The following RNF24 variants were observed in gnomAD, a reference collection of about 807,000 sequenced individuals.
RNF24 encodes ring finger protein 24.
In RNF24, 14 loss-of-function variants were observed where a neutral mutation model predicts 20.0. The ratio of observed to expected loss-of-function variants is 0.70; its 90% CI spans 0.46 to 1.10. RNF24 has a LOEUF of 1.10. Ranked by LOEUF, RNF24 falls within the 50% of genes least tolerant of loss-of-function variation. The probability of loss-of-function intolerance (pLI) is 0.00; values close to 1 mark genes in which losing one functional copy is unlikely to be tolerated. For missense variants in RNF24, 124 were observed against 177.6 expected (o/e 0.70, Z 1.71); for synonymous variants, 45 against 61.1 (o/e 0.74, Z 1.23).
intron 1 of RNF24, among the ~76,000 whole-genome samples, chr20:3,999,396 T>C (rs1257959594): frequency 6.6e-6 from 1 of 152,182 alleles, no homozygotes; most frequent in Non-Finnish European, 1.5e-5. Flanking sequence ...CAGTAACCGT[T>C]TATAGGGCTT....
At chr20:3,973,353 A>G (rs1227611677) in intron 1 of RNF24, among the ~76,000 whole-genome samples, 1 of 152,124 alleles carries the variant, frequency 6.6e-6, no homozygotes, top group Non-Finnish European at 1.5e-5. Context: ...TACATCAAGA[A>G]CCCAGAAAAA....
At chr20:3,943,850 A>C (rs565041353) in intron 4 of RNF24, among the ~76,000 whole-genome samples, 1 of 152,348 alleles carries the variant, frequency 6.6e-6, no homozygotes, top group Admixed American at 6.5e-5. Flanking sequence ...AATGGGAAAC[A>C]GACCACTTTT....
At chr20:3,996,240 T>C (rs1266253471) in intron 1 of RNF24, among the ~76,000 whole-genome samples, 5 of 152,214 alleles carry the variant, frequency 3.3e-5, no homozygotes, top group Non-Finnish European at 7.3e-5. Context: ...GGTTGGCTCA[T>C]AAACCATAAT....
intron 1 of RNF24, among the ~76,000 whole-genome samples, chr20:4,008,452 A>ATAATATAATATATATATT (rs35909534): frequency 2.2e-5 from 1 of 45,758 alleles, no homozygotes; most frequent in Non-Finnish European, 4.3e-5. Flanking sequence ...TAATATATAT[A>ATAATATAATATATATATT]ATATATAATA....
intron 1 of RNF24, among the ~76,000 whole-genome samples, chr20:3,987,802 A>T (rs780943386): frequency 6.6e-6 from 1 of 152,174 alleles, no homozygotes; most frequent in Non-Finnish European, 1.5e-5. Flanking sequence ...TGGGAACATA[A>T]TTTAAAGAGT....
At chr20:3,949,483 C>T (rs1030086149) in intron 2 of RNF24, among the ~76,000 whole-genome samples, 15 of 151,938 alleles carry the variant, frequency 9.9e-5, no homozygotes, top group South Asian at 4.2e-4. Flanking sequence ...CCCAGGAGTT[C>T]GAGACCAGCC....
intron 1 of RNF24, among the ~76,000 whole-genome samples, chr20:3,999,980 G>C (rs1480006496): frequency 6.6e-6 from 1 of 152,182 alleles, no homozygotes; most frequent in Non-Finnish European, 1.5e-5. Flanking sequence ...AAAGTAGATT[G>C]GTAGTTGCTT....
At position 3,932,632 on chromosome 20, in the gene RNF24, A is replaced by T; in HGVS notation, c.*1431T>A. 6.6e-6 allele frequency: 2 copies of T among 301,936 alleles called. No individual in the cohort carries two copies. Among genetic ancestry groups the T allele is most frequent in the Admixed American group, 1.0e-4 (2 of 19,804 alleles). 18.7% of individuals were successfully genotyped at this position (301,936 alleles called of 1,614,324 possible). A position where few individuals can be genotyped will look rare whatever the true frequency, so the allele number is the denominator to read the frequency against. ...GCTCCCTCCATCCATTCTCCATGTCACGCAGACTGTATTCCTAATGAAAAA... is the reference window on the plus strand; with the variant it reads ...GCTCCCTCCATCCATTCTCCATGTCTCGCAGACTGTATTCCTAATGAAAAA... On this transcript the variant is annotated 3_prime_UTR_variant, in exon 6 of 6. Transcript: ENST00000358395.
In RNF24 at chr20:3,955,643, T is replaced by C. The variant is rs114922073; in HGVS notation, c.144-7364A>G. Among the ~76,000 whole-genome samples, 676 of 152,314 alleles carry C rather than the reference T, an allele frequency of 4.4e-3. 2 individuals carry two copies. The highest frequency in any genetic ancestry group is 0.016 in the African/African-American group (654 of 41,570). ...AGTTCCAAATGAATTTGAGGATTGC[T>C]TTTTCTATTTCTGTAAAAAAAGGCC... On this transcript the variant is annotated intron_variant, in intron 2 of 5. Coordinates refer to ENST00000358395, the MANE Select transcript of RNF24 (RefSeq NM_001134337.3).
intron 1 of RNF24, 63 bp from the exon 2 acceptor site, chr20:3,964,087 C>T: frequency 2.7e-6 from 4 of 1,468,062 alleles, no homozygotes; most frequent in Non-Finnish European, 3.8e-6. Context: ...ACAGCATTAT[C>T]ATTGTGCACG....
At chr20:4,009,474 G>C (rs972394682) in intron 1 of RNF24, among the ~76,000 whole-genome samples, 4 of 152,168 alleles carry the variant, frequency 2.6e-5, no homozygotes, top group Non-Finnish European at 5.9e-5. Context: ...ACAGTAGAAA[G>C]GGGAGCTTGC....
intron 1 of RNF24, among the ~76,000 whole-genome samples, chr20:3,972,173 G>C (rs1372532773): frequency 6.6e-6 from 1 of 152,090 alleles, no homozygotes; most frequent in East Asian, 1.9e-4. Context: ...GAACTGAAAG[G>C]AGATATAAAG....
intron 3 of RNF24, among the ~76,000 whole-genome samples, chr20:3,946,989 A>T (rs1488301490): frequency 6.6e-6 from 1 of 152,182 alleles, no homozygotes; most frequent in Admixed American, 6.5e-5. Flanking sequence ...TCAAGAGATC[A>T]AGACCATCCT....
In RNF24 at chr20:3,934,244, C is replaced by A; in HGVS notation, c.309-43G>T. ...ACAGGGGGAAGATGTCAGTCCTATG[C>A]TCATGGCACGGCTGTTCTGCTGAAC... On this transcript the variant is annotated intron_variant, in intron 5 of 5. Transcript: ENST00000358395. The surrounding 1 kb of genome is among the most constrained non-coding windows in gnomAD (Gnocchi z 4.0). 1 of 1,582,820 alleles carries A rather than the reference C, an allele frequency of 6.3e-7. No homozygotes were observed. Among genetic ancestry groups the A allele is most frequent in the South Asian group, 1.1e-5 (1 of 87,724 alleles).
chr20:3,997,964 G>C (rs1981026193), intron 1 of RNF24, among the ~76,000 whole-genome samples: 1 of 152,110 alleles, frequency 6.6e-6, no homozygotes, highest in South Asian at 2.1e-4. Context: ...ACAGACGCTG[G>C]GTTTTCAAAG....
chr20:4,001,940 G>T (rs1273763749), intron 1 of RNF24, among the ~76,000 whole-genome samples: 3 of 150,872 alleles, frequency 2.0e-5, no homozygotes, highest in African/African-American at 4.9e-5. Context: ...GTGAGACCCT[G>T]CCTCTTAAAA....
chr20:4,009,147 G>A (rs1199521641), intron 1 of RNF24, among the ~76,000 whole-genome samples: 1 of 152,128 alleles, frequency 6.6e-6, no homozygotes, highest in African/African-American at 2.4e-5. Flanking sequence ...CCTTCTATTA[G>A]GGGTAAGTCA....
intron 2 of RNF24, among the ~76,000 whole-genome samples, chr20:3,949,369 G>A (rs1334438868): frequency 1.3e-5 from 2 of 151,928 alleles, no homozygotes; most frequent in Non-Finnish European, 2.9e-5. Flanking sequence ...GACATAGTGA[G>A]ACTTTGTCTT....
chr20:3,982,578 C>CAAA (rs755663389), intron 1 of RNF24, among the ~76,000 whole-genome samples: 46 of 104,872 alleles, frequency 4.4e-4, no homozygotes, highest in Admixed American at 8.1e-4. Context: ...GACTCTGTCT[C>CAAA]AAAAAAAAAA....
Sources: gnomAD v4.1 joint callset for allele counts (sites outside exome capture counted in the v4.1 genomes callset) on GRCh38, gnomAD v4.1.1 for gene constraint, Gnocchi (gnomAD v3.1) non-coding constraint, MANE v1.5 for transcripts, NCBI Gene and HGNC (gene_info 2026-07-23, HGNC 2026-07-21) for gene names.